The following RGPD2 variants were observed in gnomAD, a reference collection of about 807,000 sequenced individuals.
RGPD2 encodes the protein RANBP2 like and GRIP domain containing 2, also known as RANBP2-like and GRIP domain-containing protein 2.
A neutral mutation model predicts 36.0 loss-of-function variants in RGPD2; 2 were observed. That is an observed-to-expected ratio of 0.06 (90% CI 0.02 to 0.17). RGPD2 has a LOEUF of 0.17. RGPD2 is among the 10% of genes least tolerant of loss of function. The pLI is 1.00. For missense variants in RGPD2, 40 were observed against 464.3 expected (o/e 0.09, Z 8.40); for synonymous variants, 19 against 163.8 (o/e 0.12, Z 6.75).
chr2:87,896,911 C>A, the RGPD2 span, among the ~76,000 whole-genome samples: 1 of 147,354 alleles, frequency 6.8e-6, no homozygotes, highest in Non-Finnish European at 1.5e-5. Flanking sequence ...TTTATATTTC[C>A]GTTAAAATAA....
chr2:87,886,528 C>A, the RGPD2 span, among the ~76,000 whole-genome samples: 5 of 151,766 alleles, frequency 3.3e-5, no homozygotes, highest in African/African-American at 9.7e-5. Context: ...GAATAAATTT[C>A]TTTGGTCCTC....
At chr2:87,978,754 C>CA in the RGPD2 span, among the ~76,000 whole-genome samples, 2 of 116,286 alleles carry the variant, frequency 1.7e-5, no homozygotes, top group South Asian at 5.9e-4. Flanking sequence ...TTGTCTCTGC[C>CA]AAAAAAATTT....
At chr2:87,964,406 G>C in the RGPD2 span, among the ~76,000 whole-genome samples, 160 of 151,600 alleles carry the variant, frequency 1.1e-3, no homozygotes, top group East Asian at 0.025. Context: ...CCTTTACTAG[G>C]TACAACATGA....
the RGPD2 span, among the ~76,000 whole-genome samples, chr2:87,916,754 T>C: frequency 6.6e-6 from 1 of 151,228 alleles, no homozygotes; most frequent in Non-Finnish European, 1.5e-5. Context: ...GCCACAATGC[T>C]TCCTGTACAA....
the RGPD2 span, among the ~76,000 whole-genome samples, chr2:87,928,842 A>G: frequency 0.016 from 2,438 of 151,506 alleles, 40 homozygotes; most frequent in Non-Finnish European, 0.02. Context: ...GGTCACATGT[A>G]TGTCTTCTTT....
At chr2:87,985,661 A>G in the RGPD2 span, 1 of 1,357,712 alleles carries the variant, frequency 7.4e-7, no homozygotes, top group African/African-American at 1.5e-5. Context: ...TCAATGTTAT[A>G]TTACCAATTA....
chr2:87,894,711 G>A, the RGPD2 span, among the ~76,000 whole-genome samples: 4 of 144,584 alleles, frequency 2.8e-5, no homozygotes, highest in African/African-American at 7.7e-5. Flanking sequence ...TAAGGAATGC[G>A]TCGTATACTC....
At chr2:87,884,106 T>C in the RGPD2 span, among the ~76,000 whole-genome samples, 7 of 152,124 alleles carry the variant, frequency 4.6e-5, no homozygotes, top group African/African-American at 1.7e-4. Context: ...TCATTTTCCA[T>C]CGTAATGGTG....
At chr2:87,905,240 C>T in the RGPD2 span, among the ~76,000 whole-genome samples, 29 of 152,358 alleles carry the variant, frequency 1.9e-4, 1 homozygote, top group South Asian at 1.2e-3. Context: ...TCACAGGACA[C>T]GAACAGAGAC....
the RGPD2 span, among the ~76,000 whole-genome samples, chr2:87,961,858 G>A: frequency 1.3e-3 from 202 of 150,754 alleles, no homozygotes; most frequent in African/African-American, 4.7e-3. Flanking sequence ...TGTTATTCAA[G>A]GGTCAACTGT....
At chr2:87,863,612 C>T in the RGPD2 span, among the ~76,000 whole-genome samples, 5 of 151,924 alleles carry the variant, frequency 3.3e-5, no homozygotes, top group East Asian at 1.9e-4. Context: ...ATGATGTGAC[C>T]GGTTTCCAAA....
the RGPD2 span, among the ~76,000 whole-genome samples, chr2:87,886,862 A>G: frequency 6.6e-6 from 1 of 151,920 alleles, no homozygotes; most frequent in South Asian, 2.1e-4. Context: ...TACTTTGGCC[A>G]TTTTTCAAAT....
intron 6 of RGPD2, among the ~76,000 whole-genome samples, chr2:87,809,755 C>T (rs1236567233): frequency 1.3e-5 from 2 of 151,638 alleles, no homozygotes; most frequent in South Asian, 2.1e-4. Context: ...CCCAAGTCAC[C>T]CCCTCATGGT....
chr2:87,962,183 T>A, the RGPD2 span, among the ~76,000 whole-genome samples: 2 of 149,794 alleles, frequency 1.3e-5, no homozygotes, highest in Non-Finnish European at 3.0e-5. Context: ...TTTTGGGAAT[T>A]TGGATATTAA....
the RGPD2 span, among the ~76,000 whole-genome samples, chr2:87,929,687 CCTAT>C: frequency 1.2e-4 from 17 of 143,732 alleles, no homozygotes; most frequent in East Asian, 3.3e-3. Context: ...ATTGATTCCT[CCTAT>C]CTATGAGCAT....
chr2:87,858,432 T>C, the RGPD2 span, among the ~76,000 whole-genome samples: 3 of 152,060 alleles, frequency 2.0e-5, no homozygotes, highest in Non-Finnish European at 2.9e-5. Context: ...TGCTGCTTTT[T>C]TTTTTCCCCT....
At chr2:87,987,855 G>A in the RGPD2 span, among the ~76,000 whole-genome samples, 1 of 77,208 alleles carries the variant, frequency 1.3e-5, no homozygotes, top group Non-Finnish European at 2.6e-5. Context: ...CATAAACTAT[G>A]GGGCTTCTAT....
At chr2:87,866,945 A>G in the RGPD2 span, among the ~76,000 whole-genome samples, 1 of 152,276 alleles carries the variant, frequency 6.6e-6, no homozygotes, top group African/African-American at 2.4e-5. Context: ...ATCCATTTGC[A>G]TAGAGGAAGA....
chr2:87,915,386 T>TATATATGTATATTATATATATTGTAC, the RGPD2 span, among the ~76,000 whole-genome samples: 1 of 75,926 alleles, frequency 1.3e-5, no homozygotes, highest in Non-Finnish European at 2.9e-5. Context: ...ATATATATTG[T>TATATATGTATATTATATATATTGTAC]ATATATATGT....
Sources: allele counts gnomAD v4.1 joint callset (sites outside exome capture counted in the v4.1 genomes callset), GRCh38; gene constraint gnomAD v4.1.1; transcripts MANE v1.5; gene names NCBI Gene and HGNC (gene_info 2026-07-23, HGNC 2026-07-21).